TBCE: variants seen among roughly 807,000 people sequenced by gnomAD.
TBCE encodes the protein tubulin-specific chaperone E.
TBCE carries 53 observed loss-of-function variants against 77.0 expected under a neutral mutation model. The ratio of observed to expected loss-of-function variants is 0.69; its 90% CI spans 0.55 to 0.87. The LOEUF (loss-of-function observed/expected upper bound fraction) is 0.87. Ranked by LOEUF, TBCE falls within the 40% of genes least tolerant of loss-of-function variation. The pLI, the probability that TBCE is intolerant of heterozygous loss-of-function variation, is 0.00. For synonymous variants in TBCE, 235 were observed against 241.3 expected, an observed-to-expected ratio of 0.97 and a Z score of 0.24; for missense variants, 624 against 622.4, an observed-to-expected ratio of 1.00 and a Z score of -0.03.
At chr1:235,374,920 CTTTTTTT>C (rs1241323977) in intron 1 of TBCE, among the ~76,000 whole-genome samples, 3 of 111,988 alleles carry the variant, frequency 2.7e-5, no homozygotes, top group East Asian at 2.3e-4. Flanking sequence ...CTTTTTTTTT[CTTTTTTT>C]TTTTTTTTTT....
intron 2 of TBCE, among the ~76,000 whole-genome samples, chr1:235,381,585 T>A (rs1243223259): frequency 6.8e-6 from 1 of 146,428 alleles, no homozygotes; most frequent in East Asian, 2.0e-4. Flanking sequence ...TAAGGGAGAC[T>A]GAGGCAGGAG....
intron 12 of TBCE, 109 bp from the exon 13 acceptor site, chr1:235,438,660 T>C (rs1455607846): frequency 7.8e-7 from 1 of 1,285,390 alleles, no homozygotes; most frequent in Non-Finnish European, 1.1e-6. Context: ...TCCCTCTCAA[T>C]TTGATTATTT....
chr1:235,430,567 T>C, intron 6 of TBCE, 138 bp from the exon 7 acceptor site: 7 of 642,968 alleles, frequency 1.1e-5, no homozygotes, highest in Non-Finnish European at 1.9e-5. Context: ...AAAAAGTGAT[T>C]TTTAAAATAT....
In TBCE at chr1:235,447,522, A is replaced by ATTAAC. The variant is rs1558398946; in HGVS notation, c.1400-826_1400-825insTAACT. 2.1e-4 allele frequency among the ~76,000 whole-genome samples: 32 copies of ATTAAC among 152,356 alleles called. No homozygotes were observed. The South Asian group carries it at 4.8e-3, about 23-fold the overall frequency. The stretch of plus-strand genomic sequence containing the variant: ...TTGTGTATGTTTAATACAGTTACAC[A>ATTAAC]TGATGTAATTACAGAATGGCGGCGC... On this transcript the variant is annotated intron_variant, in intron 15 of 16. Coordinates refer to ENST00000642610, the MANE Select transcript of TBCE (RefSeq NM_003193.5).
intron 15 of TBCE, among the ~76,000 whole-genome samples, chr1:235,443,978 A>C (rs1027932946): frequency 2.0e-5 from 3 of 152,264 alleles, no homozygotes; most frequent in African/African-American, 7.2e-5. Context: ...CTTGATTCAT[A>C]GCTAAATGCT....
chr1:235,449,012 C>T lies in TBCE; in HGVS notation c.*250C>T. On this transcript the variant is annotated 3_prime_UTR_variant, in exon 17 of 17. Transcript: ENST00000642610. ...TCATATTTATTTTTACAGCTCATCA[C>T]TGCATTTCATGATAAGATTTAAATA... 2.5e-6 allele frequency: 1 copy of T among 399,826 alleles called. No homozygotes were observed. The allele number at this position is 399,826 out of a possible 1,614,324, so 24.8% of individuals were successfully genotyped here. A position where few individuals can be genotyped will look rare whatever the true frequency, so the allele number is the denominator to read the frequency against.
chr1:235,395,417 C>T (rs1678661772), intron 2 of TBCE, among the ~76,000 whole-genome samples: 1 of 152,020 alleles, frequency 6.6e-6, no homozygotes, highest in Non-Finnish European at 1.5e-5. Flanking sequence ...TGATGGTAGT[C>T]ACCCTGTCAT....
chr1:235,404,906 C>T (rs1356071654), intron 3 of TBCE, among the ~76,000 whole-genome samples: 5 of 151,658 alleles, frequency 3.3e-5, no homozygotes, highest in Admixed American at 1.3e-4. Flanking sequence ...GTGATCAACC[C>T]TCCTCAGCCT....
intron 11 of TBCE, 38 bp from the exon 12 acceptor site, chr1:235,437,284 G>C: frequency 3.1e-6 from 5 of 1,613,552 alleles, no homozygotes; most frequent in Non-Finnish European, 4.2e-6. Context: ...TGGCATGAAC[G>C]TACCGCTTTT....
intron 5 of TBCE, among the ~76,000 whole-genome samples, chr1:235,420,481 ATTT>A (rs36062739): frequency 9.3e-6 from 1 of 107,092 alleles, no homozygotes; most frequent in Non-Finnish European, 1.8e-5. Flanking sequence ...TGTCTGGCTA[ATTT>A]TTTTTTTTTT....
At chr1:235,437,967 C>G (rs1192315019) in intron 12 of TBCE, among the ~76,000 whole-genome samples, 1 of 152,126 alleles carries the variant, frequency 6.6e-6, no homozygotes, top group Non-Finnish European at 1.5e-5. Flanking sequence ...GAGTCCTCCA[C>G]TTAGATCAGT....
chr1:235,381,795 T>A (rs1447569507), intron 2 of TBCE, among the ~76,000 whole-genome samples: 2 of 151,648 alleles, frequency 1.3e-5, no homozygotes, highest in Non-Finnish European at 2.9e-5. Flanking sequence ...TTTCTTTTTT[T>A]AATTTTTTAA....
At chr1:235,373,832 G>A (rs1257499346) in intron 1 of TBCE, among the ~76,000 whole-genome samples, 3 of 144,948 alleles carry the variant, frequency 2.1e-5, no homozygotes, top group East Asian at 1.9e-4. Context: ...TGTATTTTTA[G>A]TAGAGACGGT....
intron 14 of TBCE, among the ~76,000 whole-genome samples, chr1:235,442,121 G>A (rs954629752): frequency 7.9e-5 from 12 of 151,026 alleles, no homozygotes; most frequent in African/African-American, 2.7e-4. Context: ...CGATTCTCCT[G>A]CCTCAGCCTC....
chr1:235,380,208 T>C (rs1164214448), intron 2 of TBCE, 59 bp downstream of exon 2: 4 of 853,606 alleles, frequency 4.7e-6, no homozygotes, highest in Non-Finnish European at 3.5e-6. Context: ...TGTGTGTGTG[T>C]GTGTGTATTT....
At chr1:235,442,327 C>T (rs905180874) in intron 14 of TBCE, among the ~76,000 whole-genome samples, 1 of 152,164 alleles carries the variant, frequency 6.6e-6, no homozygotes, top group African/African-American at 2.4e-5. Context: ...TGCGCCACCA[C>T]ACCCAGTTAA....
chr1:235,371,744 C>T (rs1304500589), intron 1 of TBCE, among the ~76,000 whole-genome samples: 2 of 152,098 alleles, frequency 1.3e-5, no homozygotes, highest in East Asian at 3.9e-4. Flanking sequence ...ACGATCTCGG[C>T]TCACTACAAC....
At chr1:235,400,893 C>T (rs1255921349) in intron 2 of TBCE, among the ~76,000 whole-genome samples, 3 of 150,494 alleles carry the variant, frequency 2.0e-5, no homozygotes, top group African/African-American at 7.4e-5. Context: ...GGGGTTTCTT[C>T]ACGTTGGTCA....
rs142462266 is a variant in TBCE, at chr1:235,436,560, G to C, written c.915G>C (p.Met305Ile). 1.2e-4 allele frequency: 196 copies of C among 1,613,942 alleles called. No individual in the cohort carries two copies. In the African/African-American group the frequency reaches 2.5e-3, roughly 20 times the overall value. Residue 305 changes from methionine to isoleucine, a missense_variant, in exon 11 of 17, where the codon ATG (methionine) becomes ATC (isoleucine). Physicochemically the swap from Met to Ile is conservative, Grantham distance 10. Coordinates refer to ENST00000642610, the MANE Select transcript of TBCE (RefSeq NM_003193.5). ...TTTTTATAGGGTGCAAAACGTCCAT[G>C]TTCCCATCCTTGAAGTACCTGGTAG... The part of the protein sequence containing the change: ...PDAGIGCKTS[M>I]FPSLKYLVVN...
Sources: gnomAD v4.1 joint callset for allele counts (sites outside exome capture counted in the v4.1 genomes callset) on GRCh38, gnomAD v4.1.1 for gene constraint, MANE v1.5 for transcripts, NCBI Gene and HGNC (gene_info 2026-07-23, HGNC 2026-07-21) for gene names.